Variants in DTWD2 observed in about 807,000 individuals in gnomAD.
DTWD2 encodes the protein DTW motif tRNA-uridine aminocarboxypropyltransferase 2.
DTWD2 carries 39 observed loss-of-function variants against 31.8 expected under a neutral mutation model. The observed-to-expected ratio is 1.22, with a 90% CI of 0.95 to 1.60. DTWD2 has a LOEUF of 1.60. DTWD2 is among the 40% of genes most tolerant of loss of function. The pLI, the probability that DTWD2 is intolerant of heterozygous loss-of-function variation, is 0.00. For missense variants in DTWD2, 515 were observed against 381.5 expected (o/e 1.35, Z -2.92); for synonymous variants, 180 against 142.8 (o/e 1.26, Z -1.86).
Position 118,888,908 on chromosome 5 carries a change from G to T in DTWD2, c.597+39629C>A, listed in dbSNP as rs527297325. ...TTTTTCATATATCTTCACTAATAAA[G>T]TGTATGTTCAAAACTCTTATGGATT... is the stretch of plus-strand genomic sequence containing the variant. On this transcript the variant is annotated intron_variant, in intron 4 of 5. Coordinates refer to ENST00000510708, the MANE Select transcript of DTWD2 (RefSeq NM_173666.4). 1.5e-3 allele frequency among the ~76,000 whole-genome samples: 231 copies of T among 152,246 alleles called. 1 individual carries two copies. Among genetic ancestry groups the T allele is most frequent in the African/African-American group, 5.4e-3 (225 of 41,544 alleles).
At chr5:118,979,939 C>T (rs919414927) in intron 1 of DTWD2, among the ~76,000 whole-genome samples, 1 of 152,188 alleles carries the variant, frequency 6.6e-6, no homozygotes, top group Non-Finnish European at 1.5e-5. Context: ...CAGCAAACCA[C>T]CATGGCACAT....
At chr5:118,859,473 C>G (rs1277010657) in intron 4 of DTWD2, among the ~76,000 whole-genome samples, 1 of 152,108 alleles carries the variant, frequency 6.6e-6, no homozygotes, top group Non-Finnish European at 1.5e-5. Flanking sequence ...TTGATCCATT[C>G]CAGACATTAA....
Position 118,854,434 on chromosome 5 carries a change from C to T in DTWD2, c.598-6216G>A, listed in dbSNP as rs1012327382. 2.6e-5 allele frequency among the ~76,000 whole-genome samples: 4 copies of T among 151,198 alleles called. No individual in the cohort carries two copies. In the East Asian group the frequency reaches 5.8e-4, roughly 22 times the overall value. ...GCAAAACTTAGCATGTTATTGAAATCGACATCAAGAATATAAATAAATAAT... is the reference window on the plus strand; with the variant it reads ...GCAAAACTTAGCATGTTATTGAAATTGACATCAAGAATATAAATAAATAAT... On this transcript the variant is annotated intron_variant, in intron 4 of 5. Coordinates refer to ENST00000510708, the MANE Select transcript of DTWD2 (RefSeq NM_173666.4).
chr5:118,914,438 T>C (rs1288431750), intron 4 of DTWD2, among the ~76,000 whole-genome samples: 1 of 152,162 alleles, frequency 6.6e-6, no homozygotes, highest in African/African-American at 2.4e-5. Context: ...TGGTATTCTG[T>C]TACAACAGCA....
rs1319094332 is a variant in DTWD2 at position 118,988,482 on chromosome 5, G to T, written c.30C>A (p.Leu10=). 1 of 1,600,944 alleles carries T rather than the reference G, an allele frequency of 6.2e-7. No homozygotes were observed. Among genetic ancestry groups the T allele is most frequent in the Non-Finnish European group, 8.5e-7 (1 of 1,175,134 alleles). The change falls in exon 1 of 6, where the codon CTC becomes CTA. Residue 10 remains leucine (L), a synonymous_variant. Transcript: ENST00000510708. ...CAGAAGGCCGCGCAACGGGCTCCTG[G>T]AGTGTTCGTGCCTCTTTCTGCGACT... is the stretch of plus-strand genomic sequence containing the variant. The part of the protein sequence containing the change: MESQKEART[L]QEPVARPSGA...
At chr5:118,941,176 A>C (rs1469995680) in intron 2 of DTWD2, among the ~76,000 whole-genome samples, 1 of 151,660 alleles carries the variant, frequency 6.6e-6, no homozygotes, top group Non-Finnish European at 1.5e-5. Flanking sequence ...TCTTTTTATT[A>C]TATATATATT....
At chr5:118,846,036 T>C (rs961230847) in intron 5 of DTWD2, among the ~76,000 whole-genome samples, 1 of 152,158 alleles carries the variant, frequency 6.6e-6, no homozygotes, top group African/African-American at 2.4e-5. Flanking sequence ...AACTATATAA[T>C]GTTATATCAT....
intron 4 of DTWD2, among the ~76,000 whole-genome samples, chr5:118,879,143 A>T (rs189609252): frequency 5.1e-4 from 78 of 152,282 alleles, no homozygotes; most frequent in Middle Eastern, 3.4e-3. Flanking sequence ...CTGGCTATAT[A>T]CCCAATGGAA....
At chr5:118,968,330 G>A (rs1352464275) in intron 1 of DTWD2, among the ~76,000 whole-genome samples, 2 of 152,164 alleles carry the variant, frequency 1.3e-5, no homozygotes, top group African/African-American at 2.4e-5. Context: ...GGAAAAACTG[G>A]TGAATTCTGA....
intron 4 of DTWD2, among the ~76,000 whole-genome samples, chr5:118,883,509 C>T (rs1236261372): frequency 6.6e-6 from 1 of 152,172 alleles, no homozygotes; most frequent in Non-Finnish European, 1.5e-5. Context: ...TATAAAGACA[C>T]TACCTGAGAC....
In DTWD2 at chr5:118,876,538, C is replaced by T. The variant is rs868527893; in HGVS notation, c.598-28320G>A. 5.9e-5 allele frequency among the ~76,000 whole-genome samples: 9 copies of T among 151,900 alleles called. No individual in the cohort carries two copies. The South Asian group carries it at 6.2e-4, about 11-fold the overall frequency. Reference sequence around the variant, plus strand: ...TGATTCAAATAAATACAATCAGAAACGACAAGAGGGGTATTACCACTGACC... The same window carrying T: ...TGATTCAAATAAATACAATCAGAAATGACAAGAGGGGTATTACCACTGACC... On this transcript the variant is annotated intron_variant, in intron 4 of 5. Coordinates refer to ENST00000510708, the MANE Select transcript of DTWD2 (RefSeq NM_173666.4).
intron 1 of DTWD2, among the ~76,000 whole-genome samples, chr5:118,978,169 A>AACGTGG (rs1755210178): frequency 6.6e-6 from 1 of 151,618 alleles, no homozygotes; most frequent in Non-Finnish European, 1.5e-5. Flanking sequence ...GGCTAGCCAT[A>AACGTGG]TGCAGCAGAA....
At chr5:118,882,948 C>G (rs1752775570) in intron 4 of DTWD2, among the ~76,000 whole-genome samples, 1 of 152,256 alleles carries the variant, frequency 6.6e-6, no homozygotes, top group Non-Finnish European at 1.5e-5. Context: ...GAATTCCTCC[C>G]CAGAAAATGG....
chr5:118,982,047 A>G (rs1400725603), intron 1 of DTWD2, among the ~76,000 whole-genome samples: 1 of 152,226 alleles, frequency 6.6e-6, no homozygotes, highest in African/African-American at 2.4e-5. Context: ...TAAAGAGTCT[A>G]TAAAAGAGAA....
At chr5:118,877,054 A>T (rs1297126115) in intron 4 of DTWD2, among the ~76,000 whole-genome samples, 14 of 152,244 alleles carry the variant, frequency 9.2e-5, no homozygotes, top group African/African-American at 3.4e-4. Context: ...TTATCCCTGG[A>T]ATGCAAGGTT....
intron 1 of DTWD2, among the ~76,000 whole-genome samples, chr5:118,956,487 C>T (rs928884420): frequency 5.3e-5 from 8 of 152,176 alleles, no homozygotes; most frequent in African/African-American, 1.9e-4. Flanking sequence ...GTGTATCACT[C>T]TGGGCATACT....
intron 1 of DTWD2, among the ~76,000 whole-genome samples, chr5:118,959,489 T>C (rs558780260): frequency 5.3e-5 from 8 of 152,288 alleles, no homozygotes; most frequent in East Asian, 1.9e-4. Context: ...AGCTCATGGA[T>C]AGGAAGAGTC....
At chr5:118,956,658 A>C (rs1396385336) in intron 1 of DTWD2, among the ~76,000 whole-genome samples, 1 of 152,260 alleles carries the variant, frequency 6.6e-6, no homozygotes, top group Non-Finnish European at 1.5e-5. Flanking sequence ...TGATTCAAAT[A>C]AGTAAACTTT....
intron 4 of DTWD2, among the ~76,000 whole-genome samples, chr5:118,896,035 T>A (rs943235243): frequency 6.6e-6 from 1 of 152,124 alleles, no homozygotes; most frequent in Non-Finnish European, 1.5e-5. Context: ...ATAAACATGA[T>A]TACTGAATAT....
Sources: allele counts gnomAD v4.1 joint callset (sites outside exome capture counted in the v4.1 genomes callset), GRCh38; gene constraint gnomAD v4.1.1; transcripts MANE v1.5; gene names NCBI Gene and HGNC (gene_info 2026-07-23, HGNC 2026-07-21).